The following CCR6 variants were observed in gnomAD, a reference collection of about 807,000 sequenced individuals.
CCR6 encodes C-C motif chemokine receptor 6.
CCR6 carries 2 observed loss-of-function variants against 3.0 expected under a neutral mutation model. The ratio of observed to expected loss-of-function variants is 0.66; its 90% CI spans 0.27 to 2.07. The LOEUF (loss-of-function observed/expected upper bound fraction) is 2.07, where lower values mean the gene tolerates loss of function less well. CCR6 is among the 30% of genes most tolerant of loss of function. The pLI is 0.14. For synonymous variants in CCR6, 193 were observed against 184.3 expected (o/e 1.05, Z -0.38); for missense variants, 322 against 462.8 (o/e 0.70, Z 2.79).
intron 1 of CCR6, among the ~76,000 whole-genome samples, chr6:167,135,470 C>G (rs376909123): frequency 1.3e-5 from 2 of 152,234 alleles, no homozygotes; most frequent in Non-Finnish European, 2.9e-5. Flanking sequence ...GTCTTGAGAA[C>G]AGCACTCATA....
At chr6:167,127,632 A>C (rs1781689440) in intron 1 of CCR6, among the ~76,000 whole-genome samples, 1 of 152,248 alleles carries the variant, frequency 6.6e-6, no homozygotes, top group Non-Finnish European at 1.5e-5. Flanking sequence ...TAGGATCTAT[A>C]GATCTTACCT....
chr6:167,129,819 G>A (rs945808134), intron 1 of CCR6, among the ~76,000 whole-genome samples: 10 of 151,758 alleles, frequency 6.6e-5, no homozygotes, highest in African/African-American at 2.4e-4. Context: ...CTAACATTCA[G>A]GTGGGGGGTG....
chr6:167,119,116 C>G (rs559926736), upstream of CCR6: 1 of 152,614 alleles, frequency 6.6e-6, no homozygotes, highest in Non-Finnish European at 1.5e-5. Context: ...CTCTCCACCT[C>G]GGTGCCTTTC....
intron 1 of CCR6, 44 bp from the exon 2 acceptor site, chr6:167,135,994 T>C: frequency 1.2e-6 from 1 of 841,810 alleles, no homozygotes. Flanking sequence ...TCTCCAGGAA[T>C]ACCTGTGTTA....
chr6:167,120,660 A>G (rs41360745), upstream of CCR6, among the ~76,000 whole-genome samples: 545 of 152,302 alleles, frequency 3.6e-3, no homozygotes, highest in Middle Eastern at 6.8e-3. Context: ...GAATTTACCA[A>G]ACTGTCCCTG....
At chr6:167,124,993 T>C (rs1298101787) in intron 1 of CCR6, among the ~76,000 whole-genome samples, 1 of 152,084 alleles carries the variant, frequency 6.6e-6, no homozygotes, top group East Asian at 1.9e-4. Context: ...TGCACACCTA[T>C]ATACACACAT....
intron 1 of CCR6, chr6:167,131,221 C>T (rs3798315): frequency 0.099 from 15,013 of 152,294 alleles, 847 homozygotes; most frequent in East Asian, 0.15. Flanking sequence ...AGCTCAAGTA[C>T]GCGTTGAGTC....
Position 167,136,508 on chromosome 6 carries a change from T to C in CCR6, c.278T>C (p.Ile93Thr). ...VYLLNMAIAD[I>T]LFVLTLPFWA... Reference sequence around the variant, plus strand: ...CTCTTGAACATGGCCATTGCAGACATCCTCTTTGTTCTTACTCTCCCATTC... The same window carrying C: ...CTCTTGAACATGGCCATTGCAGACACCCTCTTTGTTCTTACTCTCCCATTC... Residue 93 changes from isoleucine (I) to threonine (T), a missense_variant, in exon 3 of 3, where the codon ATC (isoleucine) becomes ACC (threonine). Ile to Thr is a moderately conservative substitution (Grantham distance 89). Transcript: ENST00000341935. This position sits in a 1 kb window ranked among gnomAD's most constrained non-coding sequence, Gnocchi z 4.6. 1 of 1,588,858 alleles carries C rather than the reference T, an allele frequency of 6.3e-7. No individual in the cohort carries two copies. Among genetic ancestry groups the C allele is most frequent in the Non-Finnish European group, 8.6e-7 (1 of 1,166,694 alleles).
chr6:167,120,093 G>T (rs1347600591), upstream of CCR6, among the ~76,000 whole-genome samples: 4 of 152,180 alleles, frequency 2.6e-5, no homozygotes, highest in African/African-American at 9.7e-5. Context: ...AGTCATGGTG[G>T]CTTTAACAGT....
chr6:167,126,251 A>T (rs1781667325), intron 1 of CCR6: 1 of 152,266 alleles, frequency 6.6e-6, no homozygotes. Flanking sequence ...TACATACTGA[A>T]GTATAGCTTA....
At chr6:167,130,945 CCCTCCCTCCGGGACT>C (rs1206231193) in intron 1 of CCR6, among the ~76,000 whole-genome samples, 30 of 149,332 alleles carry the variant, frequency 2.0e-4, no homozygotes, top group Admixed American at 4.0e-4. Context: ...CTCTGGGCCC[CCCTCCCTCCGGGACT>C]CCTCCCTCTG....
At chr6:167,115,543 T>A (rs1457937886) in intron 1 of CCR6, 3 of 152,204 alleles carry the variant, frequency 2.0e-5, no homozygotes, top group Non-Finnish European at 4.4e-5. Context: ...ATTTTCTGTA[T>A]CTGACTTGAA....
At position 167,137,170 on chromosome 6, in the gene CCR6, G is replaced by A. The variant is rs376340815; in HGVS notation, c.940G>A (p.Val314Met). The change falls in exon 3 of 3, where the codon GTG becomes ATG. Residue 314 changes from valine to methionine, a missense_variant. By Grantham distance (21) the Val-to-Met change is conservative. Coordinates refer to ENST00000341935, the MANE Select transcript of CCR6 (RefSeq NM_031409.4). This position sits in a 1 kb window ranked among gnomAD's most constrained non-coding sequence, Gnocchi z 4.6. ...TTTCCTGCACTGCTGCCTGAACCCTGTGCTCTACGCTTTTATTGGGCAGAA... is the reference window on the plus strand; with the variant it reads ...TTTCCTGCACTGCTGCCTGAACCCTATGCTCTACGCTTTTATTGGGCAGAA... ...LAFLHCCLNP[V>M]LYAFIGQKFR... 15 of 1,614,180 alleles carry A rather than the reference G, an allele frequency of 9.3e-6. No individual in the cohort carries two copies. The highest frequency in any genetic ancestry group is 1.1e-5 in the Non-Finnish European group (13 of 1,180,038).
upstream of CCR6, among the ~76,000 whole-genome samples, chr6:167,122,597 T>C (rs1399837875): frequency 6.6e-6 from 1 of 152,222 alleles, no homozygotes; most frequent in East Asian, 1.9e-4. This position sits in a 1 kb window ranked among gnomAD's most constrained non-coding sequence, Gnocchi z 4.2. Flanking sequence ...TGGCTATTTC[T>C]CGGAACCCTC....
intron 1 of CCR6, among the ~76,000 whole-genome samples, chr6:167,114,544 G>T (rs6456158): frequency 0.46 from 69,266 of 151,952 alleles, 16,042 homozygotes; most frequent in Admixed American, 0.53. Flanking sequence ...TTCATATTTC[G>T]GAGGGGTTAC....
At chr6:167,128,450 G>A (rs1026803119) in intron 1 of CCR6, among the ~76,000 whole-genome samples, 6 of 152,276 alleles carry the variant, frequency 3.9e-5, no homozygotes, top group South Asian at 4.1e-4. Context: ...CTGGATGTCT[G>A]CGCCCACATA....
chr6:167,127,991 C>T (rs530052304), intron 1 of CCR6, among the ~76,000 whole-genome samples: 2 of 152,334 alleles, frequency 1.3e-5, no homozygotes, highest in East Asian at 3.9e-4. Context: ...TCAGGGCAAC[C>T]ACATGGCTCG....
rs995818068 is a variant in CCR6, at chr6:167,134,145, C to T, written c.-97-1893C>T. On this transcript the variant is annotated intron_variant, in intron 1 of 2. Coordinates refer to ENST00000341935, the MANE Select transcript of CCR6 (RefSeq NM_031409.4). ...TCCATAATCCTGTGATGCCTAGTGCCGAGGTCTGAAAATGGTTGTTACATT... is the reference window on the plus strand; with the variant it reads ...TCCATAATCCTGTGATGCCTAGTGCTGAGGTCTGAAAATGGTTGTTACATT... Among the ~76,000 whole-genome samples, 79 of 151,708 alleles carry T rather than the reference C, an allele frequency of 5.2e-4. 2 individuals carry two copies. The highest frequency in any genetic ancestry group is 2.8e-4 in the Non-Finnish European group (19 of 67,988).
chr6:167,121,335 A>G (rs1033831125), upstream of CCR6, among the ~76,000 whole-genome samples: 6 of 152,206 alleles, frequency 3.9e-5, no homozygotes, highest in African/African-American at 1.4e-4. Flanking sequence ...GCAAAGTCCA[A>G]TCTGTTTTTC....
Sources: allele counts gnomAD v4.1 joint callset (sites outside exome capture counted in the v4.1 genomes callset), GRCh38; gene constraint gnomAD v4.1.1; non-coding constraint Gnocchi (gnomAD v3.1); transcripts MANE v1.5; gene names NCBI Gene and HGNC (gene_info 2026-07-23, HGNC 2026-07-21).